The following THSD7B variants were observed in gnomAD, a reference collection of about 807,000 sequenced individuals.
The protein encoded by THSD7B is thrombospondin type 1 domain containing 7B, also known as thrombospondin type-1 domain-containing protein 7B.
In THSD7B, 138 loss-of-function variants were observed where a neutral mutation model predicts 213.6. The observed-to-expected ratio is 0.65, with a 90% CI of 0.56 to 0.74. The LOEUF (loss-of-function observed/expected upper bound fraction) is 0.74. Among genes scored for constraint, THSD7B ranks in the 30% least tolerant of loss-of-function variants. The pLI is 0.00. For missense variants in THSD7B, 1,931 were observed against 1,991.5 expected (o/e 0.97, Z 0.58); for synonymous variants, 742 against 687.0 (o/e 1.08, Z -1.25).
chr2:137,528,927 T>A (rs1028807871), intron 15 of THSD7B, among the ~76,000 whole-genome samples: 2 of 152,096 alleles, frequency 1.3e-5, no homozygotes, highest in African/African-American at 4.8e-5. Context: ...TTCTATCAAC[T>A]GCATTCTAGC....
intron 17 of THSD7B, among the ~76,000 whole-genome samples, chr2:137,579,916 G>C (rs1291570233): frequency 6.6e-6 from 1 of 152,044 alleles, no homozygotes; most frequent in Non-Finnish European, 1.5e-5. Context: ...TTCCTGGAAA[G>C]AGTTTTATAT....
intron 2 of THSD7B, among the ~76,000 whole-genome samples, chr2:136,887,333 A>C (rs1683736822): frequency 1.1e-5 from 1 of 90,508 alleles, no homozygotes; most frequent in Admixed American, 9.5e-5. Flanking sequence ...TGTGTGTGAC[A>C]GGCTTTTAAA....
At chr2:137,444,087 A>G (rs190837574) in intron 14 of THSD7B, among the ~76,000 whole-genome samples, 20 of 152,144 alleles carry the variant, frequency 1.3e-4, no homozygotes, top group Non-Finnish European at 2.8e-4. Flanking sequence ...ATCTCTTAAT[A>G]ATTCAGAATT....
intron 2 of THSD7B, among the ~76,000 whole-genome samples, chr2:137,014,555 A>G (rs76954731): frequency 0.033 from 4,971 of 152,252 alleles, 176 homozygotes; most frequent in African/African-American, 0.082. Flanking sequence ...GATGTTTTCA[A>G]CATTGTCAGC....
chr2:137,403,973 A>C (rs1233362723), intron 12 of THSD7B, among the ~76,000 whole-genome samples: 1 of 152,218 alleles, frequency 6.6e-6, no homozygotes, highest in African/African-American at 2.4e-5. Context: ...AGGTTGAGAA[A>C]TGTTGATCTA....
intron 15 of THSD7B, among the ~76,000 whole-genome samples, chr2:137,456,580 G>T (rs1687768416): frequency 6.6e-6 from 1 of 152,178 alleles, no homozygotes; most frequent in South Asian, 2.1e-4. Flanking sequence ...ACTTTGGCAG[G>T]AGCCCCAGAC....
intron 1 of THSD7B, among the ~76,000 whole-genome samples, chr2:136,829,482 C>A (rs1350841392): frequency 6.6e-6 from 1 of 151,940 alleles, no homozygotes; most frequent in Non-Finnish European, 1.5e-5. Context: ...GAAACTGAGC[C>A]CCAGATGGGA....
At chr2:137,570,756 A>G (rs533491872) in intron 16 of THSD7B, among the ~76,000 whole-genome samples, 1 of 152,226 alleles carries the variant, frequency 6.6e-6, no homozygotes, top group African/African-American at 2.4e-5. Flanking sequence ...TTATCACTAG[A>G]ACAAAATACT....
chr2:137,182,131 G>A (rs11897956), intron 7 of THSD7B, among the ~76,000 whole-genome samples: 10,556 of 152,210 alleles, frequency 0.069, 391 homozygotes, highest in African/African-American at 0.094. Flanking sequence ...CAGCAGGTAT[G>A]AGAAGATAAT....
At chr2:137,422,013 A>G (rs1427485541) in intron 14 of THSD7B, among the ~76,000 whole-genome samples, 2 of 152,218 alleles carry the variant, frequency 1.3e-5, no homozygotes, top group African/African-American at 4.8e-5. Context: ...ACCATACCAG[A>G]ATATGTTAAG....
intron 2 of THSD7B, among the ~76,000 whole-genome samples, chr2:136,977,530 T>C (rs1685499973): frequency 6.6e-6 from 1 of 152,152 alleles, no homozygotes; most frequent in Non-Finnish European, 1.5e-5. Flanking sequence ...CTTGGTTCTC[T>C]AGTTCTTTTA....
At chr2:137,208,041 AAG>A (rs1390294428) in intron 7 of THSD7B, among the ~76,000 whole-genome samples, 2 of 151,974 alleles carry the variant, frequency 1.3e-5, no homozygotes, top group African/African-American at 2.4e-5. Flanking sequence ...ACTGGGGAGG[AAG>A]AGAGTTTTTA....
At chr2:137,418,433 C>T (rs1686846232) in intron 14 of THSD7B, among the ~76,000 whole-genome samples, 1 of 152,124 alleles carries the variant, frequency 6.6e-6, no homozygotes, top group Non-Finnish European at 1.5e-5. Context: ...TTTTTTTAAT[C>T]ATTATAAAAG....
At chr2:137,137,056 T>G (rs73958372) in intron 5 of THSD7B, among the ~76,000 whole-genome samples, 143 of 152,318 alleles carry the variant, frequency 9.4e-4, no homozygotes, top group African/African-American at 3.3e-3. Flanking sequence ...GTGCTGTCAG[T>G]AGAAGTTTCC....
At chr2:137,586,583 C>T (rs1010339167) in intron 17 of THSD7B, among the ~76,000 whole-genome samples, 8 of 151,974 alleles carry the variant, frequency 5.3e-5, no homozygotes, top group African/African-American at 1.9e-4. Context: ...TTTATTTTTC[C>T]TTCACTTCTG....
rs183572102 is a variant in THSD7B at position 137,449,713 on chromosome 2, T to C, written c.2960-1132T>C. Among the ~76,000 whole-genome samples, 931 of 152,312 alleles carry C rather than the reference T, an allele frequency of 6.1e-3. 7 individuals carry two copies. Among genetic ancestry groups the C allele is most frequent in the Middle Eastern group, 0.054 (16 of 294 alleles). ...TCAGCATTTCATAGCATGGCTATTTTCTTTTTCAAGGCCAGCAGGAGAATC... is the reference window on the plus strand; with the variant it reads ...TCAGCATTTCATAGCATGGCTATTTCCTTTTTCAAGGCCAGCAGGAGAATC... On this transcript the variant is annotated intron_variant, in intron 14 of 27. Transcript: ENST00000409968.
intron 19 of THSD7B, 141 bp downstream of exon 19, chr2:137,618,648 T>C: frequency 5.8e-6 from 4 of 694,390 alleles, no homozygotes; most frequent in Non-Finnish European, 9.3e-6. Context: ...GCGGTGCCAG[T>C]ATAGTATGGT....
intron 12 of THSD7B, among the ~76,000 whole-genome samples, chr2:137,319,594 A>G (rs1403450110): frequency 2.0e-5 from 3 of 152,224 alleles, no homozygotes; most frequent in Non-Finnish European, 4.4e-5. Flanking sequence ...TATGAAGTGC[A>G]AAGCACTGAA....
chr2:137,569,369 T>C (rs899433029), intron 16 of THSD7B, among the ~76,000 whole-genome samples: 6 of 152,200 alleles, frequency 3.9e-5, no homozygotes, highest in Admixed American at 3.9e-4. Flanking sequence ...TAAACCTCTG[T>C]TTACAGGATG....
Sources: gnomAD v4.1 joint callset for allele counts (sites outside exome capture counted in the v4.1 genomes callset) on GRCh38, gnomAD v4.1.1 for gene constraint, MANE v1.5 for transcripts, NCBI Gene and HGNC (gene_info 2026-07-23, HGNC 2026-07-21) for gene names.